Variants in ENG observed in about 807,000 individuals in gnomAD.
ENG encodes the protein endoglin, also known as CD105 antigen.
In ENG, 17 loss-of-function variants were observed where a neutral mutation model predicts 71.0. The ratio of observed to expected loss-of-function variants is 0.24; its 90% CI spans 0.16 to 0.36. ENG has a LOEUF of 0.36. ENG is among the 10% of genes least tolerant of loss of function. The probability of loss-of-function intolerance (pLI) is 1.00; values close to 1 mark genes in which losing one functional copy is unlikely to be tolerated. For missense variants in ENG, 749 were observed against 868.3 expected (o/e 0.86, Z 1.73); for synonymous variants, 360 against 366.9 (o/e 0.98, Z 0.21).
At chr9:127,826,791 A>T (rs1830629485) in intron 3 of ENG, 119 bp from the exon 4 acceptor site, 3 of 1,341,192 alleles carry the variant, frequency 2.2e-6, no homozygotes, top group Middle Eastern at 2.6e-4. Context: ...AAGAGGCCGG[A>T]GCTGAGAATG....
intron 2 of ENG, among the ~76,000 whole-genome samples, chr9:127,833,881 C>T (rs1443489814): frequency 6.6e-6 from 1 of 152,214 alleles, no homozygotes; most frequent in Non-Finnish European, 1.5e-5. Context: ...TAAGTTTCCT[C>T]TTTAAAACAC....
intron 2 of ENG, chr9:127,832,830 C>T (rs1830797725): frequency 6.6e-6 from 1 of 152,164 alleles, no homozygotes; most frequent in Non-Finnish European, 1.5e-5. Flanking sequence ...GATCTCGGCT[C>T]ACTGCAACCT....
intron 8 of ENG, among the ~76,000 whole-genome samples, chr9:127,824,042 A>G (rs997297796): frequency 2.0e-5 from 3 of 152,118 alleles, no homozygotes; most frequent in Non-Finnish European, 4.4e-5. Flanking sequence ...AATAATGACA[A>G]CTACCTAGTG....
chr9:127,831,958 TAG>T (rs1012106144), intron 2 of ENG, among the ~76,000 whole-genome samples: 3 of 151,780 alleles, frequency 2.0e-5, no homozygotes, highest in African/African-American at 7.3e-5. Context: ...TTTTCCAGGC[TAG>T]AGTGCAGTGG....
intron 6 of ENG, 122 bp downstream of exon 6, chr9:127,825,109 C>T: frequency 6.3e-7 from 1 of 1,596,000 alleles, no homozygotes; most frequent in East Asian, 2.2e-5. Flanking sequence ...CCCCTTCCCT[C>T]ACGTATGGGC....
intron 2 of ENG, among the ~76,000 whole-genome samples, chr9:127,840,592 C>G (rs1371900441): frequency 6.6e-6 from 1 of 152,206 alleles, no homozygotes; most frequent in East Asian, 1.9e-4. Context: ...ACTCTGTGTT[C>G]TCAGGTGAGC....
At chr9:127,851,628 C>T (rs912227000) in intron 1 of ENG, among the ~76,000 whole-genome samples, 40 of 152,158 alleles carry the variant, frequency 2.6e-4, no homozygotes, top group African/African-American at 9.6e-4. Flanking sequence ...CACCTGTAAT[C>T]CCAGCACTTT....
At chr9:127,853,358 G>C (rs982728173) in intron 1 of ENG, among the ~76,000 whole-genome samples, 1 of 152,184 alleles carries the variant, frequency 6.6e-6, no homozygotes, top group African/African-American at 2.4e-5. Context: ...AATCTGTCAG[G>C]AAGCCCCTGG....
At chr9:127,817,123 AC>A in intron 13 of ENG, 25 bp downstream of exon 13, 1 of 1,614,010 alleles carries the variant, frequency 6.2e-7, no homozygotes. Flanking sequence ...ACTAGAACAA[AC>A]CCGAGAGACC....
chr9:127,815,925 G>A lies in ENG; in HGVS notation c.1852+18C>T. The A allele has an allele frequency of 6.3e-7, 1 of 1,588,426 alleles. No homozygotes were observed. The highest frequency in any genetic ancestry group is 8.6e-7 in the Non-Finnish European group (1 of 1,168,072). On this transcript the variant is annotated intron_variant, in intron 14 of 14. Coordinates refer to ENST00000373203, the MANE Select transcript of ENG (RefSeq NM_001114753.3). ...GGAGGGGCCCGGCATGCTCACTGTGGGGGCCTGGGGTACTCACGCGTGTGC... is the reference window on the plus strand; with the variant it reads ...GGAGGGGCCCGGCATGCTCACTGTGAGGGCCTGGGGTACTCACGCGTGTGC...
In ENG at chr9:127,818,276, C is replaced by A. The variant is rs1225393890; in HGVS notation, c.1530G>T (p.Arg510=). The change falls in exon 12 of 15, where the codon CGG becomes CGT. Residue 510 remains arginine (R), a synonymous_variant. Transcript: ENST00000373203. ...GGCTCACACAGTTGCCCTTGGCCGCCCGGCCCTGGATGAGTTCCACGGTGC... is the reference window on the plus strand; with the variant it reads ...GGCTCACACAGTTGCCCTTGGCCGCACGGCCCTGGATGAGTTCCACGGTGC... ...EGGTVELIQG[R]AAKGNCVSLL... The A allele has an allele frequency of 1.2e-6, 2 of 1,614,032 alleles. No homozygotes were observed. Among genetic ancestry groups the A allele is most frequent in the African/African-American group, 2.7e-5 (2 of 74,912 alleles).
Position 127,838,183 on chromosome 9 carries a change from A to G in ENG, c.219+4911T>C, listed in dbSNP as rs114573357. 6.2e-3 allele frequency among the ~76,000 whole-genome samples: 936 copies of G among 152,110 alleles called. 3 individuals carry two copies. The highest frequency in any genetic ancestry group is 0.015 in the African/African-American group (629 of 41,482). ...ATGCAGTGCTCCCCTGGAGGATGGA[A>G]CAGGAAAGATCCCTGCAGCCCTGAG... is the stretch of plus-strand genomic sequence containing the variant. On this transcript the variant is annotated intron_variant, in intron 2 of 14. Coordinates refer to ENST00000373203, the MANE Select transcript of ENG (RefSeq NM_001114753.3). This position sits in a 1 kb window ranked among gnomAD's most constrained non-coding sequence, Gnocchi z 4.3.
intron 1 of ENG, among the ~76,000 whole-genome samples, chr9:127,849,821 T>C (rs888413041): frequency 6.6e-6 from 1 of 152,224 alleles, no homozygotes; most frequent in African/African-American, 2.4e-5. Flanking sequence ...AGGGCAGTGT[T>C]ACTTGGGTAA....
chr9:127,846,021 C>T lies in ENG; in HGVS notation c.68-2776G>A, dbSNP rs143417524. 4.1e-4 allele frequency among the ~76,000 whole-genome samples: 63 copies of T among 152,272 alleles called. No homozygotes were observed. Among genetic ancestry groups the T allele is most frequent in the African/African-American group, 1.1e-3 (47 of 41,544 alleles). ...CCATGAGTGAGCCAGCATGCCTGGC[C>T]GGCAGCTTTCTCTTAATTACAATTA... On this transcript the variant is annotated intron_variant, in intron 1 of 14. Coordinates refer to ENST00000373203, the MANE Select transcript of ENG (RefSeq NM_001114753.3). This position sits in a 1 kb window ranked among gnomAD's most constrained non-coding sequence, Gnocchi z 5.5.
At chr9:127,816,837 A>G (rs2131873231) in intron 13 of ENG, 1 of 480,146 alleles carries the variant, frequency 2.1e-6, no homozygotes, top group South Asian at 2.1e-5. Context: ...CACCCAGGAG[A>G]CTCCATCCTC....
Position 127,846,776 on chromosome 9 carries a change from G to A in ENG, c.68-3531C>T, listed in dbSNP as rs557939735. 3.5e-4 allele frequency among the ~76,000 whole-genome samples: 53 copies of A among 152,148 alleles called. No individual in the cohort carries two copies. Among genetic ancestry groups the A allele is most frequent in the African/African-American group, 8.9e-4 (37 of 41,512 alleles). On this transcript the variant is annotated intron_variant, in intron 1 of 14. Coordinates refer to ENST00000373203, the MANE Select transcript of ENG (RefSeq NM_001114753.3). The surrounding 1 kb of genome is among the most constrained non-coding windows in gnomAD (Gnocchi z 5.5). ...ACAATCCCCTGGCACCAAGGGAAAC[G>A]CCAGGGCCTCCCGGGACTGGGTCAG...
intron 2 of ENG, among the ~76,000 whole-genome samples, chr9:127,832,202 G>C (rs553605299): frequency 6.0e-5 from 9 of 150,596 alleles, no homozygotes; most frequent in African/African-American, 2.2e-4. Flanking sequence ...AGCATCCTGA[G>C]TAGCTGGGAC....
chr9:127,826,407 C>T (rs746320438), intron 4 of ENG, 103 bp downstream of exon 4: 33 of 1,471,382 alleles, frequency 2.2e-5, no homozygotes, highest in Non-Finnish European at 3.0e-5. Context: ...ACAGCGTGTC[C>T]CCTCCTGCAC....
intron 4 of ENG, among the ~76,000 whole-genome samples, chr9:127,826,260 G>C (rs572616051): frequency 9.2e-5 from 14 of 152,222 alleles, no homozygotes; most frequent in Non-Finnish European, 1.6e-4. Context: ...GCACATAGTA[G>C]ATGCACAATA....
Sources: allele counts gnomAD v4.1 joint callset (sites outside exome capture counted in the v4.1 genomes callset), GRCh38; gene constraint gnomAD v4.1.1; non-coding constraint Gnocchi (gnomAD v3.1); transcripts MANE v1.5; gene names NCBI Gene and HGNC (gene_info 2026-07-23, HGNC 2026-07-21).